Variants in AEBP2 observed in about 807,000 individuals in gnomAD.
AEBP2 encodes AE binding protein 2.
Under a neutral mutation model 50.8 loss-of-function variants are expected in AEBP2, and 10 were observed. The ratio of observed to expected loss-of-function variants is 0.20; its 90% CI spans 0.12 to 0.33. AEBP2 has a LOEUF of 0.33. AEBP2 is among the 10% of genes least tolerant of loss of function. AEBP2 has a pLI of 1.00. For missense variants in AEBP2, 570 were observed against 688.0 expected (o/e 0.83, Z 1.92); for synonymous variants, 296 against 261.3 (o/e 1.13, Z -1.28).
At chr12:19,491,581 T>TTTAAC (rs1386014937) in intron 3 of AEBP2, among the ~76,000 whole-genome samples, 2 of 152,176 alleles carry the variant, frequency 1.3e-5, no homozygotes, top group Non-Finnish European at 2.9e-5. Context: ...CTACCTCTTT[T>TTTAAC]TTAACTTAGT....
chr12:19,463,487 C>A (rs531004774), intron 2 of AEBP2, among the ~76,000 whole-genome samples: 1 of 152,056 alleles, frequency 6.6e-6, no homozygotes, highest in Admixed American at 6.6e-5. Context: ...CATTTCCTAT[C>A]AGCCTGGCAT....
chr12:19,513,070 C>CT (rs1334306844), intron 6 of AEBP2, among the ~76,000 whole-genome samples: 1 of 152,074 alleles, frequency 6.6e-6, no homozygotes, highest in African/African-American at 2.4e-5. Context: ...CAGTGAGACT[C>CT]TGTCTCAAAA....
intron 3 of AEBP2, among the ~76,000 whole-genome samples, chr12:19,484,899 C>T (rs893579908): frequency 1.3e-5 from 2 of 152,060 alleles, no homozygotes; most frequent in African/African-American, 4.8e-5. Flanking sequence ...CCAGTGTTTC[C>T]TGTAGTCATA....
intron 2 of AEBP2, among the ~76,000 whole-genome samples, chr12:19,464,035 T>A (rs1948426884): frequency 6.6e-6 from 1 of 152,226 alleles, no homozygotes; most frequent in African/African-American, 2.4e-5. Context: ...TTTTGATTAC[T>A]CAAACTTGAT....
intron 5 of AEBP2, among the ~76,000 whole-genome samples, chr12:19,504,029 T>C (rs766629108): frequency 1.3e-5 from 2 of 152,196 alleles, no homozygotes; most frequent in African/African-American, 2.4e-5. Context: ...GGTCTCACCA[T>C]GTTGCCCAGG....
chr12:19,508,558 G>T (rs1327944024), intron 5 of AEBP2, among the ~76,000 whole-genome samples: 1 of 152,118 alleles, frequency 6.6e-6, no homozygotes, highest in African/African-American at 2.4e-5. Flanking sequence ...AGAGTTTGAC[G>T]TTATTGTTTT....
intron 6 of AEBP2, among the ~76,000 whole-genome samples, chr12:19,512,819 G>A (rs1288267268): frequency 1.3e-5 from 2 of 151,914 alleles, no homozygotes; most frequent in South Asian, 2.1e-4. Flanking sequence ...GTGGTGGTGC[G>A]CACCCATAAT....
chr12:19,453,215 C>T (rs187300502), intron 1 of AEBP2, among the ~76,000 whole-genome samples: 59 of 152,018 alleles, frequency 3.9e-4, no homozygotes, highest in East Asian at 7.8e-4. Context: ...GTGATCCACC[C>T]GCCTCAGCCT....
intron 7 of AEBP2, among the ~76,000 whole-genome samples, chr12:19,516,320 A>G (rs534908214): frequency 1.3e-5 from 2 of 152,300 alleles, no homozygotes; most frequent in African/African-American, 4.8e-5. Context: ...ATGAATTAAA[A>G]TTAGCATCCT....
chr12:19,465,791 C>CTTTTTTTTTTTTTTTTTTTTTTTTTTT (rs11284427), intron 2 of AEBP2, among the ~76,000 whole-genome samples: 1 of 107,686 alleles, frequency 9.3e-6, no homozygotes, highest in Non-Finnish European at 1.9e-5. Context: ...ATTGTTTTTT[C>CTTTTTTTTTTTTTTTTTTTTTTTTTTT]TTTTTTTTTT....
At chr12:19,440,608 C>G (rs1947938303) in intron 1 of AEBP2, 17 of 1,479,258 alleles carry the variant, frequency 1.1e-5, no homozygotes, top group Non-Finnish European at 1.5e-5. Flanking sequence ...CCTCTTTCCC[C>G]TCGGCGCTTC....
chr12:19,423,064 CAA>C (rs751550689), intron 1 of AEBP2, among the ~76,000 whole-genome samples: 5 of 35,036 alleles, frequency 1.4e-4, no homozygotes, highest in East Asian at 2.2e-3. Context: ...GACTCTGTCT[CAA>C]AAAAAAAAAA....
At position 19,471,673 on chromosome 12, in the gene AEBP2, A is replaced by G. The variant is rs930332640; in HGVS notation, c.880-1575A>G. ...CCTGAGTAGCTGGGACTACGAGTGC[A>G]TATGCCATTATGCCTAGCCAATTTT... On this transcript the variant is annotated intron_variant, in intron 2 of 7. Transcript: ENST00000266508. 3.3e-5 allele frequency among the ~76,000 whole-genome samples: 5 copies of G among 151,492 alleles called. No homozygotes were observed. In the South Asian group the frequency reaches 1.0e-3, roughly 32 times the overall value.
chr12:19,518,035 C>T (rs374299102), intron 7 of AEBP2, 52 bp from the exon 8 acceptor site: 14 of 1,518,482 alleles, frequency 9.2e-6, no homozygotes, highest in Non-Finnish European at 1.3e-5. Flanking sequence ...TTGAAGCACT[C>T]AAATGTGTTT....
rs570335390 is a variant in AEBP2 at position 19,447,913 on chromosome 12, C to G, written c.671+7543C>G. Reference sequence around the variant, plus strand: ...TGCGAGGGTGCTGCTGTAGAGTTGGCAAGTACTTTAAATACAGTTAAACAA... The same window carrying G: ...TGCGAGGGTGCTGCTGTAGAGTTGGGAAGTACTTTAAATACAGTTAAACAA... On this transcript the variant is annotated intron_variant, in intron 1 of 7. Coordinates refer to ENST00000266508, the MANE Select transcript of AEBP2 (RefSeq NM_153207.5). Among the ~76,000 whole-genome samples the G allele has an allele frequency of 1.6e-3, 251 of 152,206 alleles. 2 individuals carry two copies. Among genetic ancestry groups the G allele is most frequent in the African/African-American group, 5.1e-3 (211 of 41,530 alleles).
intron 3 of AEBP2, among the ~76,000 whole-genome samples, chr12:19,485,319 C>T (rs994998989): frequency 6.6e-6 from 1 of 152,030 alleles, no homozygotes; most frequent in Non-Finnish European, 1.5e-5. Context: ...AGGTATTGTT[C>T]CATACATGAA....
chr12:19,426,986 G>A (rs2095748864), intron 1 of AEBP2, among the ~76,000 whole-genome samples: 1 of 119,210 alleles, frequency 8.4e-6, no homozygotes, highest in Non-Finnish European at 1.9e-5. Context: ...TGTAAACTGA[G>A]TAAAGATCTA....
chr12:19,422,528 C>G (rs1400106340), intron 1 of AEBP2, among the ~76,000 whole-genome samples: 1 of 150,686 alleles, frequency 6.6e-6, no homozygotes, highest in Admixed American at 6.6e-5. Flanking sequence ...CAGAGTTTTA[C>G]TCTTGTTGCC....
chr12:19,499,974 G>A, intron 4 of AEBP2, 123 bp from the exon 5 acceptor site: 1 of 973,010 alleles, frequency 1.0e-6, no homozygotes, highest in South Asian at 1.7e-5. Flanking sequence ...TGTTTTGTAA[G>A]CAAATAATAA....
Sources: gnomAD v4.1 joint callset for allele counts (sites outside exome capture counted in the v4.1 genomes callset) on GRCh38, gnomAD v4.1.1 for gene constraint, MANE v1.5 for transcripts, NCBI Gene and HGNC (gene_info 2026-07-23, HGNC 2026-07-21) for gene names.